Variants in FBLN2 observed in about 807,000 individuals in gnomAD.
FBLN2 encodes fibulin-2.
FBLN2 carries 81 observed loss-of-function variants against 123.7 expected under a neutral mutation model. That is an observed-to-expected ratio of 0.65 (90% CI 0.55 to 0.79). FBLN2 has a LOEUF of 0.79. Ranked by LOEUF, FBLN2 falls within the 30% of genes least tolerant of loss-of-function variation. The pLI is 0.00. For missense variants in FBLN2, 1,603 were observed against 1,681.3 expected, an observed-to-expected ratio of 0.95 and a Z score of 0.81; for synonymous variants, 699 against 701.4, an observed-to-expected ratio of 1.00 and a Z score of 0.05.
chr3:13,574,885 C>T (rs548709189), intron 2 of FBLN2, among the ~76,000 whole-genome samples: 26 of 152,322 alleles, frequency 1.7e-4, no homozygotes, highest in African/African-American at 6.3e-4. Context: ...CATCTCCCAC[C>T]CCTCCCATGC....
intron 2 of FBLN2, among the ~76,000 whole-genome samples, chr3:13,577,041 G>A (rs1397299379): frequency 6.6e-6 from 1 of 152,114 alleles, no homozygotes; most frequent in Non-Finnish European, 1.5e-5. Context: ...GGCCAACATG[G>A]TGAAACCCCT....
At chr3:13,586,492 G>GTTTT (rs1239363813) in intron 2 of FBLN2, among the ~76,000 whole-genome samples, 1 of 127,510 alleles carries the variant, frequency 7.8e-6, no homozygotes. Context: ...GTATGTCTTA[G>GTTTT]TTGTTTTTTT....
At chr3:13,578,480 C>G (rs748449572) in intron 2 of FBLN2, among the ~76,000 whole-genome samples, 5 of 152,178 alleles carry the variant, frequency 3.3e-5, no homozygotes, top group Non-Finnish European at 5.9e-5. Flanking sequence ...GTGACTCTTT[C>G]ACTTAGCACG....
In FBLN2 at chr3:13,571,235, G is replaced by T; in HGVS notation, c.880G>T (p.Glu294Ter). The T allele has an allele frequency of 6.4e-7, 1 of 1,569,356 alleles. No individual in the cohort carries two copies. The highest frequency in any genetic ancestry group is 2.4e-5 in the East Asian group (1 of 42,464). ...EEEREEMAVT[E>*]QLAAGGHRGL... The stretch of plus-strand genomic sequence containing the variant: ...GGAGAGAGAGGAAATGGCTGTCACT[G>T]AGCAGCTGGCAGCAGGTGGCCACAG... Residue 294 changes from glutamate (E) to a stop codon, truncating the protein, a stop_gained, in exon 2 of 18, where the codon GAG (glutamate) becomes TAG (stop). Coordinates refer to ENST00000404922, the MANE Select transcript of FBLN2 (RefSeq NM_001004019.2). LOFTEE classifies it high-confidence loss of function.
intron 5 of FBLN2, among the ~76,000 whole-genome samples, chr3:13,614,908 C>T (rs1172031901): frequency 6.9e-6 from 1 of 145,916 alleles, no homozygotes; most frequent in Admixed American, 6.7e-5. Context: ...ATCTATCCAT[C>T]CATCCATCCA....
intron 10 of FBLN2, 135 bp downstream of exon 10, chr3:13,626,714 T>G: frequency 1.1e-6 from 1 of 892,118 alleles, no homozygotes; most frequent in Non-Finnish European, 1.6e-6. Context: ...CCCTCCTTTC[T>G]AGCAAGCTCC....
intron 2 of FBLN2, among the ~76,000 whole-genome samples, chr3:13,576,373 T>C (rs1323934834): frequency 6.6e-6 from 1 of 152,192 alleles, no homozygotes; most frequent in Non-Finnish European, 1.5e-5. Flanking sequence ...TCCATACTGG[T>C]TCATCTCTGC....
At position 13,634,391 on chromosome 3, in the gene FBLN2, G is replaced by A. The variant is rs141847708; in HGVS notation, c.3215-2054G>A. On this transcript the variant is annotated intron_variant, in intron 16 of 17. Transcript: ENST00000404922. Reference sequence around the variant, plus strand: ...GAAGACCTGCGACTGACCGCCTCCCGCGAGCTTGGTGAGGCCAGGCTGTAG... The same window carrying A: ...GAAGACCTGCGACTGACCGCCTCCCACGAGCTTGGTGAGGCCAGGCTGTAG... 6.6e-5 allele frequency among the ~76,000 whole-genome samples: 10 copies of A among 152,360 alleles called. No homozygotes were observed. In the East Asian group the frequency reaches 7.7e-4, roughly 12 times the overall value.
chr3:13,636,170 T>A (rs566487423), intron 16 of FBLN2, among the ~76,000 whole-genome samples: 12 of 152,286 alleles, frequency 7.9e-5, no homozygotes, highest in South Asian at 2.1e-4. Flanking sequence ...AGCCTTGCAC[T>A]GTGTGGCTTG....
rs763996586 is a variant in FBLN2 at position 13,637,598 on chromosome 3, G to A, written c.3375G>A (p.Glu1125=). 66 of 1,612,708 alleles carry A rather than the reference G, an allele frequency of 4.1e-5. No individual in the cohort carries two copies. Among genetic ancestry groups the A allele is most frequent in the Admixed American group, 8.3e-5 (5 of 59,952 alleles). The change falls in exon 18 of 18, where the codon GAG becomes GAA. Residue 1125 remains glutamate, a synonymous_variant. Coordinates refer to ENST00000404922, the MANE Select transcript of FBLN2 (RefSeq NM_001004019.2). ...CERTTCHDFL[E]CQNSPARITH... ...GCACCACGTGCCATGACTTCCTGGA[G>A]TGCCAGAACTCGCCAGCGCGCATCA...
chr3:13,628,235 G>C (rs1706118459), intron 11 of FBLN2, among the ~76,000 whole-genome samples: 1 of 152,166 alleles, frequency 6.6e-6, no homozygotes, highest in Admixed American at 6.5e-5. Context: ...CTATCTGTGG[G>C]GTTGGACTGG....
intron 4 of FBLN2, among the ~76,000 whole-genome samples, chr3:13,612,297 T>TTCTG (rs1705421154): frequency 2.0e-5 from 1 of 49,176 alleles, no homozygotes. Flanking sequence ...TTATTTTCCT[T>TTCTG]TCTTTCTTTC....
At chr3:13,626,782 G>C (rs749897576) in intron 10 of FBLN2, among the ~76,000 whole-genome samples, 2 of 152,196 alleles carry the variant, frequency 1.3e-5, no homozygotes, top group Non-Finnish European at 2.9e-5. Context: ...TTGGGGCGGA[G>C]ATGGGAGTCT....
At chr3:13,594,474 G>C (rs1175014714) in intron 2 of FBLN2, among the ~76,000 whole-genome samples, 1 of 152,166 alleles carries the variant, frequency 6.6e-6, no homozygotes, top group African/African-American at 2.4e-5. Flanking sequence ...CCTGCAGCTT[G>C]GGCAGCTTTG....
chr3:13,633,891 C>G (rs1706351791), intron 16 of FBLN2, among the ~76,000 whole-genome samples: 1 of 151,126 alleles, frequency 6.6e-6, no homozygotes, highest in East Asian at 2.0e-4. Context: ...GAGTGGGAAC[C>G]ACTGCTCATG....
intron 5 of FBLN2, among the ~76,000 whole-genome samples, chr3:13,615,307 A>C (rs978138449): frequency 6.6e-6 from 1 of 152,214 alleles, no homozygotes; most frequent in African/African-American, 2.4e-5. Context: ...GTTCAGCCTC[A>C]ACTGGTTGGG....
chr3:13,581,274 G>A (rs1266787020), intron 2 of FBLN2, among the ~76,000 whole-genome samples: 1 of 152,026 alleles, frequency 6.6e-6, no homozygotes, highest in Non-Finnish European at 1.5e-5. Context: ...TCCAGGATGG[G>A]GAACATGAAA....
chr3:13,621,278 A>C (rs1705841370), intron 8 of FBLN2, among the ~76,000 whole-genome samples: 1 of 152,228 alleles, frequency 6.6e-6, no homozygotes, highest in South Asian at 2.1e-4. Flanking sequence ...AGAATGATTA[A>C]AACACTTCCA....
chr3:13,581,551 C>T (rs890424086), intron 2 of FBLN2, among the ~76,000 whole-genome samples: 2 of 152,256 alleles, frequency 1.3e-5, no homozygotes, highest in South Asian at 2.1e-4. Context: ...ACCTGGGCTC[C>T]GAACTAGCAG....
Sources: gnomAD v4.1 joint callset for allele counts (sites outside exome capture counted in the v4.1 genomes callset) on GRCh38, gnomAD v4.1.1 for gene constraint, MANE v1.5 for transcripts, NCBI Gene and HGNC (gene_info 2026-07-23, HGNC 2026-07-21) for gene names.